EEA1: variants seen among roughly 807,000 people sequenced by gnomAD.
The protein encoded by EEA1 is early endosome antigen 1, also known as early endosome antigen 1, 162kD.
A neutral mutation model predicts 209.2 loss-of-function variants in EEA1; 111 were observed. That is an observed-to-expected ratio of 0.53 (90% CI 0.45 to 0.62). The LOEUF (loss-of-function observed/expected upper bound fraction) is 0.62. Among genes scored for constraint, EEA1 ranks in the 20% least tolerant of loss-of-function variants. The pLI is 0.00. For synonymous variants in EEA1, 536 were observed against 540.6 expected (o/e 0.99, Z 0.12); for missense variants, 1,343 against 1,530.8 (o/e 0.88, Z 2.05).
chr12:92,818,231 A>G (rs1038526285), intron 14 of EEA1, among the ~76,000 whole-genome samples: 8 of 152,258 alleles, frequency 5.3e-5, no homozygotes, highest in African/African-American at 1.7e-4. Flanking sequence ...CCTCGGTTCA[A>G]TAAGACCACC....
intron 1 of EEA1, among the ~76,000 whole-genome samples, chr12:92,912,869 G>A (rs1880628234): frequency 6.6e-6 from 1 of 152,176 alleles, no homozygotes; most frequent in African/African-American, 2.4e-5. Flanking sequence ...CAAAAGACAT[G>A]ATCTCATTCT....
At chr12:92,809,395 T>A (rs1200484670) in intron 17 of EEA1, among the ~76,000 whole-genome samples, 1 of 151,468 alleles carries the variant, frequency 6.6e-6, no homozygotes, top group African/African-American at 2.4e-5. Flanking sequence ...GTGTTTAAAA[T>A]TAATTCTGGG....
chr12:92,840,128 T>C (rs1433610886), intron 10 of EEA1, among the ~76,000 whole-genome samples: 1 of 152,188 alleles, frequency 6.6e-6, no homozygotes, highest in Non-Finnish European at 1.5e-5. Flanking sequence ...CCTATTTTTT[T>C]CTTTCTTGAC....
intron 2 of EEA1, among the ~76,000 whole-genome samples, chr12:92,890,296 A>T (rs1879609963): frequency 6.6e-6 from 1 of 152,232 alleles, no homozygotes; most frequent in African/African-American, 2.4e-5. Context: ...AAAAATGAAA[A>T]AGAATGGAAT....
chr12:92,892,187 C>A (rs1354160686), intron 1 of EEA1, among the ~76,000 whole-genome samples: 1 of 152,064 alleles, frequency 6.6e-6, no homozygotes, highest in Non-Finnish European at 1.5e-5. Flanking sequence ...ACCTCCCAGG[C>A]TCAAGCGATC....
chr12:92,830,118 T>C (rs1317988353), intron 11 of EEA1, among the ~76,000 whole-genome samples: 1 of 152,060 alleles, frequency 6.6e-6, no homozygotes, highest in South Asian at 2.1e-4. Flanking sequence ...AACACATACA[T>C]GCAAGAAATC....
chr12:92,848,158 T>C (rs915987697), intron 9 of EEA1, among the ~76,000 whole-genome samples: 2 of 151,862 alleles, frequency 1.3e-5, no homozygotes, highest in Non-Finnish European at 2.9e-5. Context: ...TAAATTTTTA[T>C]GAAAATTTAA....
At position 92,888,925 on chromosome 12, in the gene EEA1, G is replaced by A. The variant is rs148641514; in HGVS notation, c.117+2704C>T. 5.8e-3 allele frequency among the ~76,000 whole-genome samples: 882 copies of A among 152,198 alleles called. 6 individuals are homozygous for A. Among genetic ancestry groups the A allele is most frequent in the African/African-American group, 0.02 (843 of 41,514 alleles). Reference sequence around the variant, plus strand: ...GGCACTTTGGGAGGCCAAGGCAGATGGATCACTTGAGGTCAGAAGTTCGAG... The same window carrying A: ...GGCACTTTGGGAGGCCAAGGCAGATAGATCACTTGAGGTCAGAAGTTCGAG... On this transcript the variant is annotated intron_variant, in intron 2 of 28. Transcript: ENST00000322349.
intron 3 of EEA1, among the ~76,000 whole-genome samples, chr12:92,860,130 T>C (rs1878074058): frequency 1.3e-5 from 2 of 152,152 alleles, no homozygotes; most frequent in African/African-American, 4.8e-5. Flanking sequence ...CTATGCATGG[T>C]TTCAGCACTA....
intron 1 of EEA1, among the ~76,000 whole-genome samples, chr12:92,910,792 AT>A (rs1389954776): frequency 3.9e-5 from 6 of 152,274 alleles, no homozygotes; most frequent in African/African-American, 9.6e-5. Flanking sequence ...CAGTAAAAAA[AT>A]AAACAATCTA....
chr12:92,923,840 A>G (rs997651300), intron 1 of EEA1, among the ~76,000 whole-genome samples: 1 of 142,304 alleles, frequency 7.0e-6, no homozygotes, highest in African/African-American at 2.6e-5. Context: ...CATCTACCTC[A>G]TCTACAAAAA....
chr12:92,839,429 A>G (rs1877070139), intron 10 of EEA1, among the ~76,000 whole-genome samples: 1 of 152,232 alleles, frequency 6.6e-6, no homozygotes, highest in South Asian at 2.1e-4. Flanking sequence ...TATCTGAAAA[A>G]GTATTAAAAT....
rs1027567326 is a variant in EEA1 at position 92,772,119 on chromosome 12, T to C, written c.*3892A>G. 1 of 151,522 alleles carries C rather than the reference T, an allele frequency of 6.6e-6. No individual in the cohort carries two copies. Among genetic ancestry groups the C allele is most frequent in the Non-Finnish European group, 1.5e-5 (1 of 67,754 alleles). 9.4% of individuals were successfully genotyped at this position (151,522 alleles called of 1,614,324 possible). A position where few individuals can be genotyped will look rare whatever the true frequency, so the allele number is the denominator to read the frequency against. On this transcript the variant is annotated 3_prime_UTR_variant, in exon 29 of 29. Transcript: ENST00000322349. ...AAAAATAGCAAAAAACAATGGCACATTGGGCCTTCCAAAAAGTATCTTTGG... is the reference window on the plus strand; with the variant it reads ...AAAAATAGCAAAAAACAATGGCACACTGGGCCTTCCAAAAAGTATCTTTGG...
chr12:92,855,963 C>T (rs1456032212), intron 5 of EEA1, among the ~76,000 whole-genome samples: 1 of 152,068 alleles, frequency 6.6e-6, no homozygotes, highest in Non-Finnish European at 1.5e-5. Flanking sequence ...TTACTAAAAA[C>T]TCCTTTAATG....
At chr12:92,866,379 A>C (rs1328245322) in intron 2 of EEA1, among the ~76,000 whole-genome samples, 1 of 152,032 alleles carries the variant, frequency 6.6e-6, no homozygotes, top group Non-Finnish European at 1.5e-5. Flanking sequence ...CCCCTCTATT[A>C]GAGATACAAA....
intron 1 of EEA1, among the ~76,000 whole-genome samples, chr12:92,912,692 T>G (rs1880621813): frequency 6.6e-6 from 1 of 152,132 alleles, no homozygotes; most frequent in South Asian, 2.1e-4. Flanking sequence ...TAGGTAATTT[T>G]TCATCCCTCA....
intron 2 of EEA1, among the ~76,000 whole-genome samples, chr12:92,866,409 G>A (rs966856094): frequency 5.9e-5 from 9 of 151,918 alleles, no homozygotes; most frequent in Non-Finnish European, 1.0e-4. Flanking sequence ...GAATGTGTGT[G>A]GCAGTGGTGC....
chr12:92,812,733 G>A (rs1875581121), intron 16 of EEA1, among the ~76,000 whole-genome samples: 1 of 152,072 alleles, frequency 6.6e-6, no homozygotes, highest in Non-Finnish European at 1.5e-5. Flanking sequence ...TAGGGGAGAA[G>A]GACAATATCA....
chr12:92,801,181 C>T (rs1018953710), intron 20 of EEA1, among the ~76,000 whole-genome samples: 24 of 151,864 alleles, frequency 1.6e-4, no homozygotes, highest in African/African-American at 5.8e-4. Context: ...TATAAATGTC[C>T]ATGAAATAAA....
Sources: allele counts gnomAD v4.1 joint callset (sites outside exome capture counted in the v4.1 genomes callset), GRCh38; gene constraint gnomAD v4.1.1; transcripts MANE v1.5; gene names NCBI Gene and HGNC (gene_info 2026-07-23, HGNC 2026-07-21).